The following ZNF667 variants were observed in gnomAD, a reference collection of about 807,000 sequenced individuals.
ZNF667 encodes the protein zinc finger protein 667.
In ZNF667, 13 loss-of-function variants were observed where a neutral mutation model predicts 31.8. That is an observed-to-expected ratio of 0.41 (90% CI 0.27 to 0.65). The LOEUF (loss-of-function observed/expected upper bound fraction) is 0.65. Among genes scored for constraint, ZNF667 ranks in the 30% least tolerant of loss-of-function variants. The probability of loss-of-function intolerance (pLI) is 0.32; values close to 1 mark genes in which losing one functional copy is unlikely to be tolerated. For missense variants in ZNF667, 642 were observed against 725.6 expected, an observed-to-expected ratio of 0.88 and a Z score of 1.32; for synonymous variants, 228 against 247.1, an observed-to-expected ratio of 0.92 and a Z score of 0.73.
At chr19:56,457,208 C>G (rs748150071) in intron 6 of ZNF667, among the ~76,000 whole-genome samples, 3 of 152,148 alleles carry the variant, frequency 2.0e-5, no homozygotes, top group Admixed American at 6.5e-5. Flanking sequence ...GAAAAGAACA[C>G]TTGGAGAAAA....
At chr19:56,471,257 CTA>C (rs1460746896) in intron 3 of ZNF667, among the ~76,000 whole-genome samples, 3 of 152,142 alleles carry the variant, frequency 2.0e-5, no homozygotes, top group East Asian at 3.8e-4. Flanking sequence ...CCTGAAGCTG[CTA>C]TGTTTCCTGT....
In ZNF667 at chr19:56,462,424, G is replaced by T; in HGVS notation, c.-54C>A. The T allele has an allele frequency of 6.2e-7, 1 of 1,609,892 alleles. No individual in the cohort carries two copies. The highest frequency in any genetic ancestry group is 8.5e-7 in the Non-Finnish European group (1 of 1,176,076). On this transcript the variant is annotated 5_prime_UTR_variant, in exon 4 of 7. Transcript: ENST00000504904. Reference sequence around the variant, plus strand: ...GAGAGATGGGCAGAGAGCTGGTAAGGCAGGGCTGTGGGGAGAAGACAGGTC... The same window carrying T: ...GAGAGATGGGCAGAGAGCTGGTAAGTCAGGGCTGTGGGGAGAAGACAGGTC...
intron 2 of ZNF667, chr19:56,472,959 C>T (rs2043324940): frequency 6.6e-6 from 1 of 152,186 alleles, no homozygotes; most frequent in Non-Finnish European, 1.5e-5. Context: ...TTATCCAGTG[C>T]TGGAGGAGAT....
chr19:56,441,945 T>C lies in ZNF667; in HGVS notation c.1050A>G (p.Arg350=). The C allele has an allele frequency of 6.2e-7, 1 of 1,614,116 alleles. No individual in the cohort carries two copies. Among genetic ancestry groups the C allele is most frequent in the Non-Finnish European group, 8.5e-7 (1 of 1,180,010 alleles). The change falls in exon 7 of 7, where the codon AGA becomes AGG. Residue 350 remains arginine, a synonymous_variant. Transcript: ENST00000504904. The surrounding 1 kb of genome is among the most constrained non-coding windows in gnomAD (Gnocchi z 4.2). ...NRISPLMLHQ[R]IHTSEKPYKC... ...TGTACGGTTTCTCTGAAGTGTGAAT[T>C]CTCTGGTGAAGCATCAGGGGTGAAA... is the stretch of plus-strand genomic sequence containing the variant.
At position 56,440,143 on chromosome 19, in the gene ZNF667, C is replaced by A. The variant is rs1383091122; in HGVS notation, c.*1019G>T. On this transcript the variant is annotated 3_prime_UTR_variant, in exon 7 of 7. Transcript: ENST00000504904. Reference sequence around the variant, plus strand: ...GTCCATAACAACTCATATTACACCACTTATTGCATACCAGTATTGTTACAT... The same window carrying A: ...GTCCATAACAACTCATATTACACCAATTATTGCATACCAGTATTGTTACAT... 1 of 152,198 alleles carries A rather than the reference C, an allele frequency of 6.6e-6. No individual in the cohort carries two copies. Among genetic ancestry groups the A allele is most frequent in the Non-Finnish European group, 1.5e-5 (1 of 68,030 alleles). 9.4% of individuals were successfully genotyped at this position (152,198 alleles called of 1,614,324 possible). A position where few individuals can be genotyped will look rare whatever the true frequency, so the allele number is the denominator to read the frequency against.
rs753904690 is a variant in ZNF667, at chr19:56,441,131, C to A, written c.*31G>T. The A allele has an allele frequency of 1.3e-6, 2 of 1,566,856 alleles. No homozygotes were observed. Among genetic ancestry groups the A allele is most frequent in the Admixed American group, 3.7e-5 (2 of 54,216 alleles). ...ATATTTGCCATATGTTTGATAGCCT[C>A]ATTCGTTGATTTTATAGATTTAAAA... On this transcript the variant is annotated 3_prime_UTR_variant, in exon 7 of 7. Transcript: ENST00000504904. The surrounding 1 kb of genome is among the most constrained non-coding windows in gnomAD (Gnocchi z 4.2).
intron 6 of ZNF667, chr19:56,444,342 G>C: frequency 2.5e-6 from 1 of 397,822 alleles, no homozygotes. Flanking sequence ...CAAGGAGAGA[G>C]AGTGTGGAGG....
intron 6 of ZNF667, among the ~76,000 whole-genome samples, chr19:56,456,515 C>T (rs2042934331): frequency 6.6e-6 from 1 of 152,104 alleles, no homozygotes; most frequent in Admixed American, 6.5e-5. Context: ...GACCTAGTGC[C>T]TAGGGTTTTT....
chr19:56,459,961 C>A (rs928116839), intron 5 of ZNF667, among the ~76,000 whole-genome samples: 3 of 151,778 alleles, frequency 2.0e-5, no homozygotes, highest in Non-Finnish European at 4.4e-5. Flanking sequence ...CACTGCACTC[C>A]AGCCTGGCGA....
chr19:56,447,649 G>C (rs577831240), intron 6 of ZNF667, among the ~76,000 whole-genome samples: 1 of 152,010 alleles, frequency 6.6e-6, no homozygotes, highest in Admixed American at 6.6e-5. Flanking sequence ...TTGGGAGGCC[G>C]AGGTGGGTGG....
intron 6 of ZNF667, among the ~76,000 whole-genome samples, 162 bp from the exon 7 acceptor site, chr19:56,442,903 G>C (rs190950727): frequency 2.8e-4 from 42 of 152,168 alleles, no homozygotes; most frequent in Middle Eastern, 3.4e-3. Flanking sequence ...TATACTAAAG[G>C]CTTTACAGAG....
intron 4 of ZNF667, among the ~76,000 whole-genome samples, chr19:56,461,508 A>G (rs769168436): frequency 1.2e-4 from 18 of 152,170 alleles, no homozygotes; most frequent in Admixed American, 5.9e-4. Flanking sequence ...CTGAGCCCCA[A>G]ATGAGAACAC....
In ZNF667 at chr19:56,442,435, A is replaced by C. The variant is rs1374926413; in HGVS notation, c.560T>G (p.Ile187Ser). 1.2e-6 allele frequency: 2 copies of C among 1,613,992 alleles called. No homozygotes were observed. Among genetic ancestry groups the C allele is most frequent in the Non-Finnish European group, 1.7e-6 (2 of 1,180,006 alleles). ...CRKAFRQISSILLHQRIHSGK... is the reference protein window; with the variant it reads ...CRKAFRQISSSLLHQRIHSGK... Reference sequence around the variant, plus strand: ...ACTGTGAATTCTCTGATGAAGTAGGATGGATGAGATCTGTCTGAAAGCTTT... The same window carrying C: ...ACTGTGAATTCTCTGATGAAGTAGGCTGGATGAGATCTGTCTGAAAGCTTT... Residue 187 changes from isoleucine to serine, a missense_variant, in exon 7 of 7, where the codon ATC (isoleucine) becomes AGC (serine). Ile to Ser is a moderately radical substitution (Grantham distance 142). Coordinates refer to ENST00000504904, the MANE Select transcript of ZNF667 (RefSeq NM_001321356.2).
intron 6 of ZNF667, 71 bp downstream of exon 6, chr19:56,458,084 C>A: frequency 2.2e-6 from 3 of 1,354,082 alleles, no homozygotes; most frequent in Non-Finnish European, 3.2e-6. Context: ...TTGTAAGTCA[C>A]CTAATATATG....
chr19:56,442,575 C>T lies in ZNF667; in HGVS notation c.420G>A (p.Gly140=), dbSNP rs763172057. ...AGTCATTACATTTTAAAGGTTTCTT[C>T]CCTGAATGCCCTTTCTTAGGTTTTA... is the stretch of plus-strand genomic sequence containing the variant. The part of the protein sequence containing the change: ...VLVKPKKGHS[G]KKPLKCNDCG... The change falls in exon 7 of 7, where the codon GGG becomes GGA. Residue 140 remains glycine (G), a synonymous_variant. Transcript: ENST00000504904. 15 of 1,613,980 alleles carry T rather than the reference C, an allele frequency of 9.3e-6. No homozygotes were observed. The highest frequency in any genetic ancestry group is 1.1e-5 in the South Asian group (1 of 91,084).
chr19:56,442,434 G>GA lies in ZNF667; in HGVS notation c.560dup (p.Leu188ProfsTer14). On this transcript the variant is annotated frameshift_variant, in exon 7 of 7. Coordinates refer to ENST00000504904, the MANE Select transcript of ZNF667 (RefSeq NM_001321356.2). LOFTEE classifies it low-confidence loss of function (END_TRUNC). ...CACTGTGAATTCTCTGATGAAGTAG[G>GA]ATGGATGAGATCTGTCTGAAAGCTT... 6.2e-7 allele frequency: 1 copy of GA among 1,614,090 alleles called. No individual in the cohort carries two copies. The highest frequency in any genetic ancestry group is 8.5e-7 in the Non-Finnish European group (1 of 1,180,010).
At position 56,462,429 on chromosome 19, in the gene ZNF667, G is replaced by A. The variant is rs2043065263; in HGVS notation, c.-59C>T. The A allele has an allele frequency of 6.2e-7, 1 of 1,605,176 alleles. No individual in the cohort carries two copies. The highest frequency in any genetic ancestry group is 1.7e-5 in the Admixed American group (1 of 59,990). On this transcript the variant is annotated splice_region_variant and 5_prime_UTR_variant, in exon 4 of 7. Coordinates refer to ENST00000504904, the MANE Select transcript of ZNF667 (RefSeq NM_001321356.2). Reference sequence around the variant, plus strand: ...ATGGGCAGAGAGCTGGTAAGGCAGGGCTGTGGGGAGAAGACAGGTCATGAG... The same window carrying A: ...ATGGGCAGAGAGCTGGTAAGGCAGGACTGTGGGGAGAAGACAGGTCATGAG...
In ZNF667 at chr19:56,441,470, T is replaced by A; in HGVS notation, c.1525A>T (p.Ser509Cys). 6.2e-7 allele frequency: 1 copy of A among 1,614,236 alleles called. No individual in the cohort carries two copies. Among genetic ancestry groups the A allele is most frequent in the Non-Finnish European group, 8.5e-7 (1 of 1,180,040 alleles). The change falls in exon 7 of 7, where the codon AGC (serine) becomes TGC (cysteine). Residue 509 changes from serine to cysteine, a missense_variant. Transcript: ENST00000504904. The surrounding 1 kb of genome is among the most constrained non-coding windows in gnomAD (Gnocchi z 4.2). ...TGTTGGGCGAGGTGTGCACTCTGGCTGAAGGCCTTCCCACACTGATCACAT... is the reference window on the plus strand; with the variant it reads ...TGTTGGGCGAGGTGTGCACTCTGGCAGAAGGCCTTCCCACACTGATCACAT... Reference protein sequence around the residue: ...YECDQCGKAFSQSAHLAQHER... With the variant: ...YECDQCGKAFCQSAHLAQHER...
Position 56,462,328 on chromosome 19 carries a change from T to G in ZNF667, c.33+10A>C. 6.2e-7 allele frequency: 1 copy of G among 1,614,182 alleles called. No individual in the cohort carries two copies. Among genetic ancestry groups the G allele is most frequent in the Non-Finnish European group, 8.5e-7 (1 of 1,180,020 alleles). ...GGGGTGTTCCGGAAGGAAGAGGAAT[T>G]GCCACTTACCTTGGATTTGGATTTC... is the stretch of plus-strand genomic sequence containing the variant. On this transcript the variant is annotated intron_variant, in intron 4 of 6. Coordinates refer to ENST00000504904, the MANE Select transcript of ZNF667 (RefSeq NM_001321356.2).
Sources: allele counts gnomAD v4.1 joint callset (sites outside exome capture counted in the v4.1 genomes callset), GRCh38; gene constraint gnomAD v4.1.1; non-coding constraint Gnocchi (gnomAD v3.1); transcripts MANE v1.5; gene names NCBI Gene and HGNC (gene_info 2026-07-23, HGNC 2026-07-21).